The following ASPH variants were observed in gnomAD, a reference collection of about 807,000 sequenced individuals.
ASPH encodes the protein aspartate beta-hydroxylase.
ASPH carries 100 observed loss-of-function variants against 118.4 expected under a neutral mutation model. The observed-to-expected ratio is 0.84, with a 90% CI of 0.72 to 1.00. The LOEUF is 1.00. ASPH is among the 50% of genes least tolerant of loss of function. The pLI, the probability that ASPH is intolerant of heterozygous loss-of-function variation, is 0.00. For synonymous variants in ASPH, 315 were observed against 325.6 expected (o/e 0.97, Z 0.35); for missense variants, 920 against 919.5 (o/e 1.00, Z -0.01).
intron 1 of ASPH, among the ~76,000 whole-genome samples, chr8:61,706,827 C>A (rs986648326): frequency 3.3e-5 from 5 of 152,060 alleles, no homozygotes; most frequent in Non-Finnish European, 7.4e-5. Context: ...AAATAGAGCC[C>A]GACGTATTCA....
At chr8:61,571,716 T>A (rs1833536213) in intron 16 of ASPH, among the ~76,000 whole-genome samples, 2 of 152,358 alleles carry the variant, frequency 1.3e-5, no homozygotes, top group Middle Eastern at 6.8e-3. Context: ...TACTCACAAT[T>A]AATATTACAT....
At chr8:61,672,408 G>A (rs535261920) in intron 3 of ASPH, among the ~76,000 whole-genome samples, 57 of 152,164 alleles carry the variant, frequency 3.7e-4, no homozygotes, top group Admixed American at 3.9e-4. Flanking sequence ...TTGGAGATTG[G>A]AAAGGTCACC....
chr8:61,532,392 C>G (rs935269181), intron 21 of ASPH, among the ~76,000 whole-genome samples: 1 of 152,010 alleles, frequency 6.6e-6, no homozygotes, highest in African/African-American at 2.4e-5. Context: ...AGTTTTTTTG[C>G]CATTGAGTTG....
At chr8:61,577,896 C>T (rs2132216955) in intron 15 of ASPH, among the ~76,000 whole-genome samples, 1 of 152,218 alleles carries the variant, frequency 6.6e-6, no homozygotes, top group Admixed American at 6.5e-5. Flanking sequence ...CCATATCATT[C>T]CACCCCTGAT....
intron 3 of ASPH, chr8:61,658,161 G>A (rs946320217): frequency 6.6e-6 from 1 of 152,298 alleles, no homozygotes; most frequent in Middle Eastern, 3.4e-3. Flanking sequence ...CTCCTGGCTT[G>A]TGTAATCAGT....
rs929241819 is a variant in ASPH, at chr8:61,643,941, A to T, written c.709+4T>A. On this transcript the variant is annotated splice_donor_region_variant and intron_variant, in intron 8 of 24. Coordinates refer to ENST00000379454, the MANE Select transcript of ASPH (RefSeq NM_004318.4). The stretch of plus-strand genomic sequence containing the variant: ...ACATATCAATAATTTTAACATTTAC[A>T]AACCTGGATTTTCCTGCTCAGACAT... 10 of 1,609,804 alleles carry T rather than the reference A, an allele frequency of 6.2e-6. No individual in the cohort carries two copies. The highest frequency in any genetic ancestry group is 1.7e-5 in the Admixed American group (1 of 59,922).
Position 61,653,643 on chromosome 8 carries a change from T to G in ASPH, c.340A>C (p.Thr114Pro), listed in dbSNP as rs1322738302. 1 of 1,613,766 alleles carries G rather than the reference T, an allele frequency of 6.2e-7. No individual in the cohort carries two copies. The highest frequency in any genetic ancestry group is 1.3e-5 in the African/African-American group (1 of 74,916). Reference sequence around the variant, plus strand: ...TCTGGCGGGACTGCTGGCTCTGAAGTAGATCTCTCTTTAAGTCCTGCATTT... The same window carrying G: ...TCTGGCGGGACTGCTGGCTCTGAAGGAGATCTCTCTTTAAGTCCTGCATTT... ...KVLLGLKERS[T>P]SEPAVPPEEA... Residue 114 changes from threonine to proline, a missense_variant, in exon 4 of 25, where the codon ACT (threonine) becomes CCT (proline). By Grantham distance (38) the Thr-to-Pro change is conservative. Coordinates refer to ENST00000379454, the MANE Select transcript of ASPH (RefSeq NM_004318.4).
At chr8:61,635,709 G>T (rs541784018) in intron 12 of ASPH, among the ~76,000 whole-genome samples, 11 of 151,964 alleles carry the variant, frequency 7.2e-5, no homozygotes, top group Non-Finnish European at 5.9e-5. Flanking sequence ...CCTCATCTTT[G>T]CTTCACAACC....
At chr8:61,586,448 T>C (rs566369054) in intron 14 of ASPH, among the ~76,000 whole-genome samples, 1 of 152,336 alleles carries the variant, frequency 6.6e-6, no homozygotes, top group South Asian at 2.1e-4. Context: ...GACACCCAAT[T>C]GTCCAAATCA....
intron 18 of ASPH, among the ~76,000 whole-genome samples, chr8:61,559,652 T>A (rs1829092879): frequency 6.6e-6 from 1 of 152,242 alleles, no homozygotes; most frequent in Admixed American, 6.5e-5. Context: ...TTCTGGCAGT[T>A]AAATAGAATT....
At chr8:61,713,548 C>T (rs1838585372) in intron 1 of ASPH, among the ~76,000 whole-genome samples, 1 of 152,300 alleles carries the variant, frequency 6.6e-6, no homozygotes, top group South Asian at 2.1e-4. Context: ...AACCAAGAAT[C>T]ACTGAAATAT....
chr8:61,672,870 C>T (rs1823306723), intron 3 of ASPH, among the ~76,000 whole-genome samples: 1 of 152,102 alleles, frequency 6.6e-6, no homozygotes, highest in African/African-American at 2.4e-5. Flanking sequence ...ACAGCCAAAT[C>T]ACAGAAAATT....
At position 61,539,699 on chromosome 8, in the gene ASPH, G is replaced by GGTGTGTGTGTGTGTGTGTGTGTGTGTGT. The variant is rs10522481; in HGVS notation, c.1764+8344_1764+8371dup. ...TGTGATGGTCACCTAACACTTCTGG[G>GGTGTGTGTGTGTGTGTGTGTGTGTGTGT]GTGTGTGTGTGTGTGTGTGTGTGTG... On this transcript the variant is annotated intron_variant, in intron 21 of 24. Coordinates refer to ENST00000379454, the MANE Select transcript of ASPH (RefSeq NM_004318.4). Among the ~76,000 whole-genome samples, 1,210 of 124,128 alleles carry GGTGTGTGTGTGTGTGTGTGTGTGTGTGT rather than the reference G, an allele frequency of 9.7e-3. 51 individuals are homozygous for GGTGTGTGTGTGTGTGTGTGTGTGTGTGT. Among genetic ancestry groups the GGTGTGTGTGTGTGTGTGTGTGTGTGTGT allele is most frequent in the Non-Finnish European group, 0.013 (733 of 57,350 alleles). The allele number at this position is 124,128 out of a possible 152,430, so 81.4% of individuals were successfully genotyped here. A position where few individuals can be genotyped will look rare whatever the true frequency, so the allele number is the denominator to read the frequency against.
intron 14 of ASPH, among the ~76,000 whole-genome samples, chr8:61,597,907 C>A (rs1401941843): frequency 6.6e-6 from 1 of 152,148 alleles, no homozygotes; most frequent in African/African-American, 2.4e-5. Flanking sequence ...AGGAAAAGGA[C>A]AATATCTGCC....
chr8:61,643,774 A>G (rs891419334), intron 8 of ASPH, among the ~76,000 whole-genome samples, 171 bp downstream of exon 8: 17 of 152,244 alleles, frequency 1.1e-4, no homozygotes, highest in Non-Finnish European at 2.9e-5. Context: ...CCCTCTATGT[A>G]GTATTAAACT....
rs146056459 is a variant in ASPH, at chr8:61,688,312, G to A, written c.104-4124C>T. On this transcript the variant is annotated intron_variant, in intron 1 of 24. Transcript: ENST00000379454. ...TTTAAGAATACTGCAAGAACGATGCGATTCATTTTTTCCCATGTTATTCCA... is the reference window on the plus strand; with the variant it reads ...TTTAAGAATACTGCAAGAACGATGCAATTCATTTTTTCCCATGTTATTCCA... Among the ~76,000 whole-genome samples the A allele has an allele frequency of 2.9e-3, 440 of 152,234 alleles. 4 individuals are homozygous for A. Among genetic ancestry groups the A allele is most frequent in the African/African-American group, 0.01 (416 of 41,540 alleles).
chr8:61,587,578 A>G (rs1296437432), intron 14 of ASPH, among the ~76,000 whole-genome samples: 5 of 152,232 alleles, frequency 3.3e-5, no homozygotes, highest in African/African-American at 1.2e-4. Flanking sequence ...GGACATCCAA[A>G]ACAGTGTAAC....
At chr8:61,532,294 G>A (rs1213115049) in intron 21 of ASPH, among the ~76,000 whole-genome samples, 4 of 151,990 alleles carry the variant, frequency 2.6e-5, no homozygotes. Context: ...GTGATGTTGA[G>A]CACATTTTCA....
chr8:61,529,973 G>C (rs996500056), intron 21 of ASPH, among the ~76,000 whole-genome samples: 2 of 152,194 alleles, frequency 1.3e-5, no homozygotes, highest in Non-Finnish European at 2.9e-5. Context: ...AATTTCAATA[G>C]ATGAATGTGG....
Sources: allele counts gnomAD v4.1 joint callset (sites outside exome capture counted in the v4.1 genomes callset), GRCh38; gene constraint gnomAD v4.1.1; transcripts MANE v1.5; gene names NCBI Gene and HGNC (gene_info 2026-07-23, HGNC 2026-07-21).